Variants in HHAT observed in about 807,000 individuals in gnomAD.
HHAT encodes the protein protein-cysteine N-palmitoyltransferase HHAT.
In HHAT, 47 loss-of-function variants were observed where a neutral mutation model predicts 70.8. That is an observed-to-expected ratio of 0.66 (90% CI 0.53 to 0.85). HHAT has a LOEUF of 0.85. Ranked by LOEUF, HHAT falls within the 40% of genes least tolerant of loss-of-function variation. HHAT has a pLI of 0.00. For synonymous variants in HHAT, 228 were observed against 247.6 expected, an observed-to-expected ratio of 0.92 and a Z score of 0.74; for missense variants, 609 against 604.8, an observed-to-expected ratio of 1.01 and a Z score of -0.07.
At chr1:210,615,608 G>A (rs921695368) in intron 10 of HHAT, among the ~76,000 whole-genome samples, 2 of 152,162 alleles carry the variant, frequency 1.3e-5, no homozygotes, top group African/African-American at 4.8e-5. Context: ...CGTACAGATG[G>A]GGTTTTGGTG....
chr1:210,520,170 C>T (rs1442249703), intron 9 of HHAT, among the ~76,000 whole-genome samples: 2 of 151,992 alleles, frequency 1.3e-5, no homozygotes, highest in Non-Finnish European at 2.9e-5. Context: ...CACCCACCAC[C>T]ATGCCCTGCT....
intron 11 of HHAT, among the ~76,000 whole-genome samples, chr1:210,632,338 T>G (rs937071173): frequency 3.3e-5 from 5 of 151,616 alleles, no homozygotes; most frequent in African/African-American, 1.2e-4. Flanking sequence ...ACACAAGAAG[T>G]GGGTTTAGGA....
At chr1:210,398,043 G>T (rs1159008651) in intron 4 of HHAT, among the ~76,000 whole-genome samples, 1 of 152,234 alleles carries the variant, frequency 6.6e-6, no homozygotes, top group Non-Finnish European at 1.5e-5. Flanking sequence ...TTGTCTCCCA[G>T]GCTGGAGCGC....
chr1:210,413,494 A>C (rs2103692), intron 6 of HHAT, among the ~76,000 whole-genome samples: 26,937 of 152,194 alleles, frequency 0.18, 3,049 homozygotes, highest in Admixed American at 0.34. Context: ...TTTTGTCTTT[A>C]AATCACTTTT....
At chr1:210,620,617 C>T (rs1573793891) in intron 10 of HHAT, among the ~76,000 whole-genome samples, 1 of 152,098 alleles carries the variant, frequency 6.6e-6, no homozygotes, top group South Asian at 2.1e-4. Flanking sequence ...TTTTTGGATT[C>T]CTTGATCATC....
chr1:210,483,644 A>G (rs896317597), intron 8 of HHAT, among the ~76,000 whole-genome samples: 1 of 152,160 alleles, frequency 6.6e-6, no homozygotes, highest in Admixed American at 6.5e-5. Context: ...AAAGTGGAAG[A>G]AGTGATATAA....
chr1:210,620,734 C>CT (rs1460306258), intron 10 of HHAT, among the ~76,000 whole-genome samples: 1 of 152,100 alleles, frequency 6.6e-6, no homozygotes, highest in East Asian at 1.9e-4. Flanking sequence ...ACAGGCTGTG[C>CT]TTTAACATTC....
At chr1:210,580,765 G>A (rs1017546391) in intron 9 of HHAT, among the ~76,000 whole-genome samples, 11 of 149,362 alleles carry the variant, frequency 7.4e-5, no homozygotes, top group African/African-American at 2.7e-4. Flanking sequence ...TTGCTATTGT[G>A]AATAGTGCTG....
chr1:210,450,525 C>T (rs891827415), intron 7 of HHAT, among the ~76,000 whole-genome samples: 3 of 150,840 alleles, frequency 2.0e-5, no homozygotes, highest in Non-Finnish European at 4.4e-5. Flanking sequence ...GAGATGGAGT[C>T]TTGCTCTGTT....
intron 4 of HHAT, among the ~76,000 whole-genome samples, chr1:210,394,047 T>G (rs893990227): frequency 1.3e-5 from 2 of 152,126 alleles, no homozygotes; most frequent in African/African-American, 4.8e-5. Flanking sequence ...TGAGGCATCC[T>G]AAACTATAGG....
chr1:210,431,847 CA>C (rs2093253608), intron 7 of HHAT, among the ~76,000 whole-genome samples: 1 of 151,674 alleles, frequency 6.6e-6, no homozygotes, highest in Non-Finnish European at 1.5e-5. Flanking sequence ...CTTCTGAATA[CA>C]AAGTAGCAGT....
intron 7 of HHAT, among the ~76,000 whole-genome samples, chr1:210,451,087 C>CAAA (rs36045825): frequency 3.3e-5 from 3 of 91,656 alleles, no homozygotes; most frequent in Non-Finnish European, 4.5e-5. Flanking sequence ...ACTCCATCTC[C>CAAA]AAAAAAAAAA....
intron 9 of HHAT, among the ~76,000 whole-genome samples, chr1:210,568,323 T>G (rs555483546): frequency 1.3e-5 from 2 of 152,360 alleles, no homozygotes; most frequent in African/African-American, 2.4e-5. Flanking sequence ...CTCTATCTTT[T>G]GTGATAATCT....
Position 210,490,671 on chromosome 1 carries a change from G to A in HHAT, c.1008-22482G>A, listed in dbSNP as rs149316556. On this transcript the variant is annotated intron_variant, in intron 8 of 11. Transcript: ENST00000261458. ...AAACTAATGTTTTCACAAAGGGAAC[G>A]AAAGACATACCTGCTGACCTGATGG... Among the ~76,000 whole-genome samples, 56 of 152,232 alleles carry A rather than the reference G, an allele frequency of 3.7e-4. No homozygotes were observed. The East Asian group carries it at 0.01, about 28-fold the overall frequency.
At chr1:210,500,712 C>T (rs1433505259) in intron 8 of HHAT, among the ~76,000 whole-genome samples, 1 of 152,186 alleles carries the variant, frequency 6.6e-6, no homozygotes, top group Non-Finnish European at 1.5e-5. Flanking sequence ...AATCTTGCTG[C>T]TTTTGGTTGC....
At chr1:210,373,907 C>T (rs1379336721) in intron 3 of HHAT, among the ~76,000 whole-genome samples, 2 of 152,166 alleles carry the variant, frequency 1.3e-5, no homozygotes, top group Non-Finnish European at 2.9e-5. Flanking sequence ...GGGGGAGTCT[C>T]CAAATTGTCT....
At chr1:210,363,599 A>G (rs765517923) in intron 3 of HHAT, among the ~76,000 whole-genome samples, 2 of 151,702 alleles carry the variant, frequency 1.3e-5, no homozygotes, top group Non-Finnish European at 2.9e-5. Flanking sequence ...GGTTCTTCTC[A>G]TTCTTCTCCA....
chr1:210,656,405 ACC>A (rs66521649), intron 11 of HHAT, among the ~76,000 whole-genome samples: 2 of 150,632 alleles, frequency 1.3e-5, no homozygotes, highest in African/African-American at 2.5e-5. Flanking sequence ...GAGCACACAT[ACC>A]CCCCCCGTCC....
chr1:210,613,888 G>A (rs1368782617), intron 10 of HHAT, among the ~76,000 whole-genome samples: 1 of 151,464 alleles, frequency 6.6e-6, no homozygotes, highest in Admixed American at 6.6e-5. Flanking sequence ...ATTGCAATTA[G>A]CCACACCTGT....
Sources: gnomAD v4.1 joint callset for allele counts (sites outside exome capture counted in the v4.1 genomes callset) on GRCh38, gnomAD v4.1.1 for gene constraint, MANE v1.5 for transcripts, NCBI Gene and HGNC (gene_info 2026-07-23, HGNC 2026-07-21) for gene names.